MATCAP2: variants seen among roughly 807,000 people sequenced by gnomAD.
MATCAP2 encodes putative tyrosine carboxypeptidase MATCAP2.
chr7:36,382,762 G>A, the MATCAP2 span, among the ~76,000 whole-genome samples: 1 of 152,124 alleles, frequency 6.6e-6, no homozygotes, highest in Non-Finnish European at 1.5e-5. Flanking sequence ...CTAAGTGCTG[G>A]GATTACAGGC....
At chr7:36,359,214 G>A in the MATCAP2 span, among the ~76,000 whole-genome samples, 6 of 152,190 alleles carry the variant, frequency 3.9e-5, no homozygotes, top group Admixed American at 3.9e-4. Context: ...GGGAACATTT[G>A]GCAATGTCTA....
the MATCAP2 span, among the ~76,000 whole-genome samples, chr7:36,365,146 T>G: frequency 1.3e-5 from 2 of 152,350 alleles, no homozygotes; most frequent in South Asian, 4.1e-4. Context: ...TAGTATCTAC[T>G]TTCTAATACT....
the MATCAP2 span, chr7:36,326,558 T>G: frequency 2.6e-6 from 1 of 387,078 alleles, no homozygotes; most frequent in East Asian, 4.1e-5. Context: ...TAGGAATAAC[T>G]TCCCCCTGCA....
the MATCAP2 span, chr7:36,367,159 G>A: frequency 4.1e-6 from 5 of 1,211,606 alleles, no homozygotes; most frequent in Non-Finnish European, 5.1e-6. Flanking sequence ...CTACTGGAAG[G>A]TACACACGGC....
At chr7:36,384,574 T>C in the MATCAP2 span, among the ~76,000 whole-genome samples, 2 of 152,192 alleles carry the variant, frequency 1.3e-5, no homozygotes, top group Non-Finnish European at 2.9e-5. Context: ...GCCTAGCTAA[T>C]AAACATAAAC....
the MATCAP2 span, among the ~76,000 whole-genome samples, chr7:36,348,039 A>T: frequency 6.6e-6 from 1 of 152,202 alleles, no homozygotes; most frequent in Non-Finnish European, 1.5e-5. Context: ...TGTGTGGTGA[A>T]TGTTGGAGAT....
chr7:36,334,008 C>G, the MATCAP2 span: 1 of 1,613,980 alleles, frequency 6.2e-7, no homozygotes, highest in African/African-American at 1.3e-5. Flanking sequence ...GAGGGCAGCC[C>G]TCCATAAAAA....
chr7:36,326,450 T>C, the MATCAP2 span: 15,067 of 183,852 alleles, frequency 0.082, 816 homozygotes, highest in East Asian at 0.15. Flanking sequence ...AGGCCAGTGC[T>C]TACTGCTCAG....
chr7:36,387,882 G>T, the MATCAP2 span, among the ~76,000 whole-genome samples: 1 of 151,814 alleles, frequency 6.6e-6, no homozygotes, highest in Non-Finnish European at 1.5e-5. Context: ...TTTAAAACAC[G>T]CATACACACA....
chr7:36,347,894 C>T, the MATCAP2 span, among the ~76,000 whole-genome samples: 2 of 152,142 alleles, frequency 1.3e-5, no homozygotes, highest in South Asian at 4.1e-4. Context: ...CAGTCCTTTT[C>T]TTTAAGCCAG....
the MATCAP2 span, among the ~76,000 whole-genome samples, chr7:36,350,294 T>C: frequency 6.6e-6 from 1 of 152,228 alleles, no homozygotes; most frequent in African/African-American, 2.4e-5. Flanking sequence ...ATTATATATG[T>C]ACCTATTATG....
the MATCAP2 span, among the ~76,000 whole-genome samples, chr7:36,334,732 A>G: frequency 2.0e-5 from 3 of 152,080 alleles, no homozygotes; most frequent in African/African-American, 7.2e-5. Context: ...GAGAAGAATC[A>G]CAGACTTAAT....
At chr7:36,330,925 G>A in the MATCAP2 span, 3 of 984,262 alleles carry the variant, frequency 3.0e-6, no homozygotes, top group Non-Finnish European at 4.8e-6. Flanking sequence ...CTAAGCTTGA[G>A]TGAGGGGAAT....
chr7:36,342,135 C>T, the MATCAP2 span, among the ~76,000 whole-genome samples: 1 of 151,736 alleles, frequency 6.6e-6, no homozygotes, highest in Admixed American at 6.6e-5. Context: ...AGCACTAAAA[C>T]ACACAATGTT....
At chr7:36,368,095 G>A in the MATCAP2 span, 1 of 151,162 alleles carries the variant, frequency 6.6e-6, no homozygotes, top group Non-Finnish European at 1.5e-5. Flanking sequence ...GGGAAATGTA[G>A]ACTAAACCAT....
the MATCAP2 span, among the ~76,000 whole-genome samples, chr7:36,382,696 T>C: frequency 6.6e-6 from 1 of 152,268 alleles, no homozygotes; most frequent in East Asian, 1.9e-4. Flanking sequence ...GGTTTCACCG[T>C]GTTAGCCAGG....
chr7:36,352,298 G>A, the MATCAP2 span, among the ~76,000 whole-genome samples: 7 of 150,668 alleles, frequency 4.6e-5, no homozygotes, highest in South Asian at 2.1e-4. Flanking sequence ...TTGGGAGGAC[G>A]AGGCAGGAGA....
At chr7:36,356,946 C>G in the MATCAP2 span, 2 of 1,614,186 alleles carry the variant, frequency 1.2e-6, no homozygotes, top group Non-Finnish European at 1.7e-6. Flanking sequence ...TTAGCTAATA[C>G]GCTTGGCAGA....
chr7:36,385,792 TA>T, the MATCAP2 span, among the ~76,000 whole-genome samples: 395 of 68,396 alleles, frequency 5.8e-3, 5 homozygotes, highest in African/African-American at 0.025. Flanking sequence ...TTTCAAAAAA[TA>T]AAATAAAATA....
Sources: allele counts gnomAD v4.1 joint callset (sites outside exome capture counted in the v4.1 genomes callset), GRCh38; gene constraint gnomAD v4.1.1; transcripts MANE v1.5; gene names NCBI Gene and HGNC (gene_info 2026-07-23, HGNC 2026-07-21).